The following THSD7B variants were observed in gnomAD, a reference collection of about 807,000 sequenced individuals.
THSD7B encodes the protein thrombospondin type 1 domain containing 7B.
In THSD7B, 138 loss-of-function variants were observed where a neutral mutation model predicts 213.6. That is an observed-to-expected ratio of 0.65 (90% confidence interval 0.56 to 0.74). THSD7B has a LOEUF of 0.74. Ranked by LOEUF, THSD7B falls within the 30% of genes least tolerant of loss-of-function variation. The pLI, the probability that THSD7B is intolerant of heterozygous loss-of-function variation, is 0.00. For missense variants in THSD7B, 1,931 were observed against 1,991.5 expected (o/e 0.97, Z 0.58); for synonymous variants, 742 against 687.0 (o/e 1.08, Z -1.25).
intron 6 of THSD7B, among the ~76,000 whole-genome samples, chr2:137,162,158 G>T (rs141983723): frequency 2.0e-5 from 3 of 152,144 alleles, no homozygotes; most frequent in African/African-American, 7.2e-5. Flanking sequence ...AGAGAGGATA[G>T]GGCTGCATCC....
intron 14 of THSD7B, among the ~76,000 whole-genome samples, chr2:137,447,153 T>G (rs1453303): frequency 0.56 from 85,143 of 151,836 alleles, 27,056 homozygotes; most frequent in East Asian, 0.77. Context: ...TCATTGAATT[T>G]ATAACCTTGA....
chr2:137,581,045 A>G (rs566087108), intron 17 of THSD7B, among the ~76,000 whole-genome samples: 1 of 152,324 alleles, frequency 6.6e-6, no homozygotes, highest in South Asian at 2.1e-4. Context: ...ATCAGGTGAT[A>G]TAATATGTCT....
chr2:137,583,641 A>G (rs1203715571), intron 17 of THSD7B, among the ~76,000 whole-genome samples: 3 of 152,134 alleles, frequency 2.0e-5, no homozygotes, highest in Non-Finnish European at 4.4e-5. Context: ...CAAAGATCAG[A>G]TAGTTGTAGA....
intron 14 of THSD7B, among the ~76,000 whole-genome samples, chr2:137,448,441 T>C (rs947929941): frequency 3.3e-5 from 5 of 151,976 alleles, no homozygotes; most frequent in African/African-American, 7.2e-5. Context: ...GAATTTAAGA[T>C]AGAAGAGACG....
intron 5 of THSD7B, among the ~76,000 whole-genome samples, chr2:137,154,671 A>T (rs1288701002): frequency 6.6e-6 from 1 of 152,162 alleles, no homozygotes; most frequent in Non-Finnish European, 1.5e-5. Flanking sequence ...AGTTTGGAGT[A>T]GAGTTTGATT....
At chr2:137,641,152 T>A (rs569278380) in intron 20 of THSD7B, among the ~76,000 whole-genome samples, 1 of 152,310 alleles carries the variant, frequency 6.6e-6, no homozygotes, top group East Asian at 1.9e-4. Flanking sequence ...ATCTTTGACA[T>A]CAACTAAAAG....
In THSD7B at chr2:137,676,504, G is replaced by T; in HGVS notation, c.4740-20G>T. ...GCTCTATGAACTTACTTGATCTGAGGAATTTTTTTCCCTTTGCAGCAAGAA... is the reference window on the plus strand; with the variant it reads ...GCTCTATGAACTTACTTGATCTGAGTAATTTTTTTCCCTTTGCAGCAAGAA... On this transcript the variant is annotated intron_variant, in intron 27 of 27. Transcript: ENST00000409968. 6.4e-7 allele frequency: 1 copy of T among 1,571,698 alleles called. No homozygotes were observed. The highest frequency in any genetic ancestry group is 1.2e-5 in the South Asian group (1 of 84,432).
intron 4 of THSD7B, among the ~76,000 whole-genome samples, chr2:137,098,862 C>T (rs905283747): frequency 6.6e-6 from 1 of 152,174 alleles, no homozygotes; most frequent in Non-Finnish European, 1.5e-5. Context: ...GGTTACCACA[C>T]TACCAAGTAG....
At chr2:137,642,797 A>G (rs1682964298) in intron 21 of THSD7B, among the ~76,000 whole-genome samples, 164 bp downstream of exon 21, 1 of 152,216 alleles carries the variant, frequency 6.6e-6, no homozygotes, top group African/African-American at 2.4e-5. Flanking sequence ...AAATGGCTTA[A>G]CCTCATGCAG....
chr2:137,479,958 A>G (rs1688269570), intron 15 of THSD7B, among the ~76,000 whole-genome samples: 2 of 152,168 alleles, frequency 1.3e-5, no homozygotes, highest in South Asian at 2.1e-4. Context: ...GGGGTCTCCC[A>G]TGGCTAGGAT....
chr2:137,043,990 C>T lies in THSD7B; in HGVS notation c.140-12430C>T, dbSNP rs942859267. Among the ~76,000 whole-genome samples the T allele has an allele frequency of 3.9e-5, 6 of 152,286 alleles. No homozygotes were observed. The South Asian group carries it at 1.2e-3, about 32-fold the overall frequency. ...CCTTCAGAACAATAATCTCACTCCA[C>T]GCTCCTCTAGGGTGTGAGCATGAAG... On this transcript the variant is annotated intron_variant, in intron 2 of 27. Transcript: ENST00000409968.
intron 3 of THSD7B, among the ~76,000 whole-genome samples, chr2:137,080,151 TA>T (rs35397304): frequency 6.7e-6 from 1 of 149,724 alleles, no homozygotes; most frequent in African/African-American, 2.5e-5. Flanking sequence ...CTTGGCTTTT[TA>T]AATATATGTA....
At chr2:136,794,685 A>G (rs913420276) in intron 1 of THSD7B, among the ~76,000 whole-genome samples, 1 of 151,906 alleles carries the variant, frequency 6.6e-6, no homozygotes, top group African/African-American at 2.4e-5. Context: ...GTATCGTTTT[A>G]TACATATTTG....
intron 5 of THSD7B, among the ~76,000 whole-genome samples, chr2:137,135,434 T>A (rs950829135): frequency 6.6e-6 from 1 of 152,194 alleles, no homozygotes; most frequent in African/African-American, 2.4e-5. Flanking sequence ...CCTGTGCAGC[T>A]CAGGAGCCCT....
At chr2:137,346,254 C>G (rs1378070891) in intron 12 of THSD7B, among the ~76,000 whole-genome samples, 2 of 151,676 alleles carry the variant, frequency 1.3e-5, no homozygotes, top group Non-Finnish European at 3.0e-5. Flanking sequence ...CCTTTTCCCT[C>G]TTCCCTAGTC....
At chr2:137,047,563 G>T (rs1466123537) in intron 2 of THSD7B, among the ~76,000 whole-genome samples, 1 of 152,158 alleles carries the variant, frequency 6.6e-6, no homozygotes, top group Non-Finnish European at 1.5e-5. Context: ...AAGGAACTTG[G>T]AATGGGAGCC....
rs775148530 is a variant in THSD7B, at chr2:137,170,934, C to A, written c.1719C>A (p.Asp573Glu). The A allele has an allele frequency of 6.2e-7, 1 of 1,612,156 alleles. No homozygotes were observed. Among genetic ancestry groups the A allele is most frequent in the South Asian group, 1.1e-5 (1 of 90,972 alleles). The change falls in exon 7 of 28, where the codon GAC becomes GAA. Residue 573 changes from aspartate (D) to glutamate (E), a missense_variant. Coordinates refer to ENST00000409968, the MANE Select transcript of THSD7B (RefSeq NM_001316349.2). ...TTCTGAAGGCCGTCTGCCAGAATGA[C>A]CGCGGTATGACCCAGTGACCCACTA... is the stretch of plus-strand genomic sequence containing the variant. ...HRILKAVCQN[D>E]RGEDVSGSLC...
intron 15 of THSD7B, among the ~76,000 whole-genome samples, chr2:137,491,089 A>G (rs931968010): frequency 3.3e-5 from 5 of 152,222 alleles, no homozygotes; most frequent in Admixed American, 2.6e-4. Flanking sequence ...TTAGAGACAC[A>G]TTGACCCAAG....
intron 1 of THSD7B, among the ~76,000 whole-genome samples, chr2:136,788,085 G>A (rs1461507280): frequency 2.6e-5 from 4 of 152,150 alleles, no homozygotes; most frequent in African/African-American, 4.8e-5. Context: ...CCAACTGGAG[G>A]GTAAGGTTAA....
Sources: gnomAD v4.1 joint callset for allele counts (sites outside exome capture counted in the v4.1 genomes callset) on GRCh38, gnomAD v4.1.1 for gene constraint, MANE v1.5 for transcripts, NCBI Gene and HGNC (gene_info 2026-07-23, HGNC 2026-07-21) for gene names.